The following FMN2 variants were observed in gnomAD, a reference collection of about 807,000 sequenced individuals.
FMN2 encodes the protein formin 2.
FMN2 carries 51 observed loss-of-function variants against 142.3 expected under a neutral mutation model. The ratio of observed to expected loss-of-function variants is 0.36; its 90% CI spans 0.29 to 0.45. The LOEUF is 0.45. Ranked by LOEUF, FMN2 falls within the 20% of genes least tolerant of loss-of-function variation. The pLI is 1.00. For missense variants in FMN2, 1,936 were observed against 2,122.8 expected, an observed-to-expected ratio of 0.91 and a Z score of 1.73; for synonymous variants, 882 against 869.8, an observed-to-expected ratio of 1.01 and a Z score of -0.25.
intron 2 of FMN2, among the ~76,000 whole-genome samples, chr1:240,130,240 C>T (rs543006031): frequency 7.6e-4 from 116 of 152,282 alleles, no homozygotes; most frequent in South Asian, 3.9e-3. Flanking sequence ...AATATCACAA[C>T]CCCCAGGCCA....
At chr1:240,224,270 CAGTTTCTATGT>C (rs996221265) in intron 6 of FMN2, among the ~76,000 whole-genome samples, 32 of 152,194 alleles carry the variant, frequency 2.1e-4, no homozygotes, top group African/African-American at 7.7e-4. Flanking sequence ...GCAGGTTGTT[CAGTTTCTATGT>C]AGTTATGTGG....
At chr1:240,309,317 A>G (rs1408024890) in intron 8 of FMN2, among the ~76,000 whole-genome samples, 1 of 152,142 alleles carries the variant, frequency 6.6e-6, no homozygotes, top group African/African-American at 2.4e-5. Context: ...TGGGCAAGCA[A>G]GAAAACACAC....
At position 240,119,395 on chromosome 1, in the gene FMN2, C is replaced by T. The variant is rs1053797333; in HGVS notation, c.1616-3784C>T. 2.0e-5 allele frequency among the ~76,000 whole-genome samples: 3 copies of T among 151,756 alleles called. No individual in the cohort carries two copies. In the East Asian group the frequency reaches 5.8e-4, roughly 29 times the overall value. On this transcript the variant is annotated intron_variant, in intron 1 of 17. Coordinates refer to ENST00000319653, the MANE Select transcript of FMN2 (RefSeq NM_020066.5). ...GGCGAGGATATCCTCAAGGGAAAGC[C>T]TAGTTATCACTAAAGAAGGAGGTGA...
At chr1:240,390,299 T>G (rs1673561567) in intron 14 of FMN2, among the ~76,000 whole-genome samples, 1 of 152,230 alleles carries the variant, frequency 6.6e-6, no homozygotes, top group African/African-American at 2.4e-5. Context: ...TTTGTCTTTA[T>G]GATTGTGATA....
At chr1:240,470,838 TA>T (rs5782143) in intron 16 of FMN2, among the ~76,000 whole-genome samples, 37,503 of 150,780 alleles carry the variant, frequency 0.25, 4,645 homozygotes, top group Middle Eastern at 0.37. Flanking sequence ...CCCTTTTTAT[TA>T]AAAAAAAAAA....
intron 16 of FMN2, among the ~76,000 whole-genome samples, chr1:240,447,406 A>G (rs2103200216): frequency 6.6e-6 from 1 of 152,340 alleles, no homozygotes; most frequent in African/African-American, 2.4e-5. Flanking sequence ...GTCCTAAAAA[A>G]TGTAAGTAGA....
chr1:240,222,159 T>C (rs1667144371), intron 6 of FMN2, among the ~76,000 whole-genome samples: 1 of 152,050 alleles, frequency 6.6e-6, no homozygotes, highest in Non-Finnish European at 1.5e-5. Flanking sequence ...CTTGAGTTAA[T>C]TTTCATATAG....
intron 14 of FMN2, among the ~76,000 whole-genome samples, chr1:240,388,371 G>A (rs767544431): frequency 6.6e-6 from 1 of 152,052 alleles, no homozygotes; most frequent in Non-Finnish European, 1.5e-5. Context: ...TTCAGTGGCT[G>A]CATTACAATT....
At chr1:240,470,182 A>C (rs1676759815) in intron 16 of FMN2, among the ~76,000 whole-genome samples, 1 of 147,538 alleles carries the variant, frequency 6.8e-6, no homozygotes, top group Admixed American at 6.9e-5. Flanking sequence ...TTAAGAGGAG[A>C]TCCACTGGAT....
intron 1 of FMN2, among the ~76,000 whole-genome samples, chr1:240,099,283 A>G (rs1269628692): frequency 2.0e-5 from 3 of 151,968 alleles, no homozygotes; most frequent in Non-Finnish European, 4.4e-5. Flanking sequence ...AACTGACCAG[A>G]TACTAGTTGA....
chr1:240,431,994 T>G (rs1255622948), intron 15 of FMN2, among the ~76,000 whole-genome samples: 1 of 151,814 alleles, frequency 6.6e-6, no homozygotes, highest in Non-Finnish European at 1.5e-5. Flanking sequence ...CTTCATAAAA[T>G]GAGTTGGGAA....
chr1:240,184,973 C>A (rs768250239), intron 3 of FMN2, among the ~76,000 whole-genome samples: 603 of 132,598 alleles, frequency 4.5e-3, no homozygotes, highest in African/African-American at 0.015. Flanking sequence ...CCCTCCTATA[C>A]CTTCCCCTTC....
chr1:240,358,088 TC>T (rs1034302923), intron 14 of FMN2, among the ~76,000 whole-genome samples: 1 of 152,242 alleles, frequency 6.6e-6, no homozygotes, highest in African/African-American at 2.4e-5. Flanking sequence ...TGGCACCTCT[TC>T]CACTACTTTC....
chr1:240,412,044 C>T (rs746116090), intron 15 of FMN2, among the ~76,000 whole-genome samples: 1 of 152,086 alleles, frequency 6.6e-6, no homozygotes, highest in Non-Finnish European at 1.5e-5. Context: ...GATCAGCGGC[C>T]TAAGACCGAA....
chr1:240,175,236 G>T (rs1387578277), intron 2 of FMN2, among the ~76,000 whole-genome samples: 1 of 152,082 alleles, frequency 6.6e-6, no homozygotes, highest in African/African-American at 2.4e-5. Flanking sequence ...TTCATGGATG[G>T]TCACTTGGGT....
At chr1:240,282,354 A>G (rs949997152) in intron 7 of FMN2, among the ~76,000 whole-genome samples, 3 of 152,218 alleles carry the variant, frequency 2.0e-5, no homozygotes, top group Non-Finnish European at 2.9e-5. Context: ...CTTTTGAGTT[A>G]TTATATTGGT....
chr1:240,472,997 C>T (rs759475972), intron 17 of FMN2, among the ~76,000 whole-genome samples: 5 of 150,872 alleles, frequency 3.3e-5, no homozygotes, highest in Admixed American at 6.6e-5. Flanking sequence ...TGAGGGTGTG[C>T]ATTTATGTGG....
chr1:240,236,034 G>C (rs1201806053), intron 6 of FMN2: 1 of 152,160 alleles, frequency 6.6e-6, no homozygotes, highest in Non-Finnish European at 1.5e-5. Context: ...TTTTGGTGTG[G>C]AATTACCTTG....
intron 7 of FMN2, among the ~76,000 whole-genome samples, chr1:240,289,796 G>T (rs1038998229): frequency 6.6e-6 from 1 of 152,162 alleles, no homozygotes. Flanking sequence ...GAAGTGCTTT[G>T]TTTTAAATGA....
Sources: gnomAD v4.1 joint callset for allele counts (sites outside exome capture counted in the v4.1 genomes callset) on GRCh38, gnomAD v4.1.1 for gene constraint, MANE v1.5 for transcripts, NCBI Gene and HGNC (gene_info 2026-07-23, HGNC 2026-07-21) for gene names.